Variants in ARHGAP24 observed in about 807,000 individuals in gnomAD.
The protein encoded by ARHGAP24 is rho GTPase-activating protein 24.
ARHGAP24 carries 50 observed loss-of-function variants against 76.4 expected under a neutral mutation model. That is an observed-to-expected ratio of 0.65 (90% CI 0.52 to 0.83). The LOEUF is 0.83. ARHGAP24 is among the 40% of genes least tolerant of loss of function. The pLI is 0.00. For missense variants in ARHGAP24, 930 were observed against 914.2 expected (o/e 1.02, Z -0.22); for synonymous variants, 345 against 323.3 (o/e 1.07, Z -0.72).
intron 3 of ARHGAP24, among the ~76,000 whole-genome samples, chr4:85,886,401 C>T (rs962953509): frequency 6.6e-6 from 1 of 152,074 alleles, no homozygotes; most frequent in Non-Finnish European, 1.5e-5. Flanking sequence ...GATTAACATT[C>T]TCATGTCATG....
intron 1 of ARHGAP24, among the ~76,000 whole-genome samples, chr4:85,493,642 A>T (rs903605253): frequency 6.6e-6 from 1 of 152,132 alleles, no homozygotes; most frequent in Non-Finnish European, 1.5e-5. Context: ...TTCTGGTACC[A>T]CAAGACACTC....
chr4:85,599,209 T>C (rs2109986821), intron 2 of ARHGAP24, among the ~76,000 whole-genome samples: 1 of 152,198 alleles, frequency 6.6e-6, no homozygotes, highest in East Asian at 1.9e-4. Context: ...GAGAGATGTT[T>C]AGAAGAAGGA....
intron 4 of ARHGAP24, among the ~76,000 whole-genome samples, chr4:85,925,281 C>T (rs1735960315): frequency 1.3e-5 from 2 of 152,226 alleles, no homozygotes; most frequent in Non-Finnish European, 2.9e-5. Context: ...TTGTCCAGTA[C>T]ATTTACGCTG....
chr4:85,607,350 AAG>A (rs1024185044), intron 2 of ARHGAP24, among the ~76,000 whole-genome samples: 2 of 151,864 alleles, frequency 1.3e-5, no homozygotes, highest in Non-Finnish European at 2.9e-5. Flanking sequence ...AAAAGAAAGA[AAG>A]AGAGAGAGAG....
intron 8 of ARHGAP24, among the ~76,000 whole-genome samples, chr4:85,983,212 T>C (rs1739782005): frequency 1.3e-5 from 2 of 152,260 alleles, no homozygotes; most frequent in Admixed American, 6.5e-5. Context: ...TCTTTGCTAT[T>C]GTGAATATTG....
intron 3 of ARHGAP24, among the ~76,000 whole-genome samples, chr4:85,724,807 G>T: frequency 6.6e-6 from 1 of 152,046 alleles, no homozygotes; most frequent in Non-Finnish European, 1.5e-5. Context: ...AATGCCATGA[G>T]TTATAGATTT....
intron 1 of ARHGAP24, among the ~76,000 whole-genome samples, chr4:85,486,359 T>A (rs568402735): frequency 2.0e-5 from 3 of 152,224 alleles, no homozygotes; most frequent in Admixed American, 2.0e-4. Context: ...TGTCCTGCAA[T>A]ATGTGTATGA....
chr4:85,669,042 C>G (rs1463055062), intron 2 of ARHGAP24, among the ~76,000 whole-genome samples: 6 of 152,038 alleles, frequency 3.9e-5, no homozygotes, highest in Non-Finnish European at 8.8e-5. Context: ...GTGTGATTCT[C>G]TGAGTTGTTA....
intron 3 of ARHGAP24, among the ~76,000 whole-genome samples, chr4:85,828,847 A>G (rs1253698484): frequency 2.0e-5 from 3 of 152,160 alleles, no homozygotes; most frequent in Non-Finnish European, 4.4e-5. Context: ...TTAAATATCT[A>G]AATAAATATA....
intron 1 of ARHGAP24, among the ~76,000 whole-genome samples, chr4:85,487,120 G>C (rs550969077): frequency 4.1e-5 from 6 of 144,898 alleles, no homozygotes; most frequent in Non-Finnish European, 7.5e-5. Context: ...TCTTGCATTT[G>C]TCAAGTCCTT....
intron 2 of ARHGAP24, among the ~76,000 whole-genome samples, chr4:85,637,185 GT>G (rs1310877429): frequency 6.6e-6 from 1 of 152,014 alleles, no homozygotes; most frequent in Non-Finnish European, 1.5e-5. Context: ...TACTCATAAG[GT>G]GTCTGAAACT....
intron 4 of ARHGAP24, among the ~76,000 whole-genome samples, chr4:85,925,717 G>A (rs1461391028): frequency 1.3e-5 from 2 of 152,084 alleles, no homozygotes; most frequent in East Asian, 1.9e-4. Flanking sequence ...TATATAAAGG[G>A]TTCAGTAATA....
intron 2 of ARHGAP24, among the ~76,000 whole-genome samples, chr4:85,646,945 T>C (rs1006195822): frequency 1.2e-4 from 18 of 152,108 alleles, no homozygotes; most frequent in Non-Finnish European, 2.2e-4. Context: ...CTCTGCCATA[T>C]ACATATTCAT....
At chr4:85,898,980 G>C (rs1578362505) in intron 3 of ARHGAP24, among the ~76,000 whole-genome samples, 1 of 152,086 alleles carries the variant, frequency 6.6e-6, no homozygotes, top group East Asian at 1.9e-4. Flanking sequence ...CTGACCTCAG[G>C]TGACCCACCC....
chr4:85,871,180 G>T (rs1262833821), intron 3 of ARHGAP24, among the ~76,000 whole-genome samples: 1 of 152,000 alleles, frequency 6.6e-6, no homozygotes. Flanking sequence ...TACTCTCTAG[G>T]GGTAGGAGGG....
intron 2 of ARHGAP24, among the ~76,000 whole-genome samples, chr4:85,655,498 T>G (rs1722104648): frequency 1.5e-5 from 2 of 135,088 alleles, no homozygotes; most frequent in South Asian, 5.2e-4. Context: ...AATGAAAGTT[T>G]GGGGCCAGGC....
chr4:85,570,460 A>C, intron 1 of ARHGAP24, 62 bp from the exon 2 acceptor site: 1 of 1,231,414 alleles, frequency 8.1e-7, no homozygotes, highest in Non-Finnish European at 1.2e-6. Context: ...AGAGTGGTTT[A>C]AAAGGGAGTT....
chr4:85,717,927 T>C (rs969921933), intron 2 of ARHGAP24, among the ~76,000 whole-genome samples: 3 of 152,162 alleles, frequency 2.0e-5, no homozygotes, highest in Non-Finnish European at 4.4e-5. Flanking sequence ...TGACACATGG[T>C]AGTCTGTCAA....
Position 85,912,399 on chromosome 4 carries a change from AG to A in ARHGAP24, c.269-11248del, listed in dbSNP as rs375315602. ...TTCAGACATAAACTGTGGGAGAAAA[AG>A]CACAATGGACGGTTAAGCTGTTGTG... On this transcript the variant is annotated intron_variant, in intron 3 of 9. Transcript: ENST00000395184. 9.3e-4 allele frequency among the ~76,000 whole-genome samples: 142 copies of A among 152,300 alleles called. 2 individuals are homozygous for A. The Middle Eastern group carries it at 0.024, about 26-fold the overall frequency.
Sources: gnomAD v4.1 joint callset for allele counts (sites outside exome capture counted in the v4.1 genomes callset) on GRCh38, gnomAD v4.1.1 for gene constraint, MANE v1.5 for transcripts, NCBI Gene and HGNC (gene_info 2026-07-23, HGNC 2026-07-21) for gene names.